IGF1: variants seen among roughly 807,000 people sequenced by gnomAD.
The protein encoded by IGF1 is insulin like growth factor 1.
A neutral mutation model predicts 13.8 loss-of-function variants in IGF1; 4 were observed. That is an observed-to-expected ratio of 0.29 (90% CI 0.14 to 0.66). The LOEUF (loss-of-function observed/expected upper bound fraction) is 0.66. Ranked by LOEUF, IGF1 falls within the 30% of genes least tolerant of loss-of-function variation. The pLI, the probability that IGF1 is intolerant of heterozygous loss-of-function variation, is 0.78. For synonymous variants in IGF1, 76 were observed against 72.6 expected, an observed-to-expected ratio of 1.05 and a Z score of -0.23; for missense variants, 124 against 188.5, an observed-to-expected ratio of 0.66 and a Z score of 2.00.
At chr12:102,411,342 G>T (rs1228796635) in intron 3 of IGF1, among the ~76,000 whole-genome samples, 1 of 152,100 alleles carries the variant, frequency 6.6e-6, no homozygotes, top group African/African-American at 2.4e-5. Flanking sequence ...CCATGGTCTT[G>T]CTCCTAATTA....
intron 2 of IGF1, among the ~76,000 whole-genome samples, chr12:102,433,388 G>A (rs1474090735): frequency 2.0e-5 from 3 of 152,158 alleles, no homozygotes; most frequent in Admixed American, 6.5e-5. Flanking sequence ...CTGCAATGCA[G>A]GGATGCTGAA....
chr12:102,468,613 A>G (rs1290890067), intron 2 of IGF1, among the ~76,000 whole-genome samples: 4 of 152,226 alleles, frequency 2.6e-5, no homozygotes, highest in Non-Finnish European at 5.9e-5. Context: ...AAGACAAACA[A>G]AATGTTGTGT....
intron 2 of IGF1, among the ~76,000 whole-genome samples, chr12:102,474,740 T>G (rs941248821): frequency 6.6e-6 from 1 of 152,220 alleles, no homozygotes; most frequent in African/African-American, 2.4e-5. Context: ...GGAACAAGCA[T>G]CTGGCTTTAA....
At chr12:102,439,252 G>C (rs1261980618) in intron 2 of IGF1, among the ~76,000 whole-genome samples, 1 of 152,180 alleles carries the variant, frequency 6.6e-6, no homozygotes, top group Non-Finnish European at 1.5e-5. Context: ...AAGCATGCTT[G>C]TGAGTATTGG....
chr12:102,442,462 C>A (rs1462863736), intron 2 of IGF1, among the ~76,000 whole-genome samples: 5 of 152,054 alleles, frequency 3.3e-5, no homozygotes, highest in Non-Finnish European at 7.4e-5. Context: ...TCCACAGTGA[C>A]TTTTCACTTT....
chr12:102,411,991 G>A (rs1320605407), intron 3 of IGF1, among the ~76,000 whole-genome samples: 1 of 152,126 alleles, frequency 6.6e-6, no homozygotes, highest in Non-Finnish European at 1.5e-5. Flanking sequence ...GTTGTAATGG[G>A]TCAATAATTA....
At position 102,455,766 on chromosome 12, in the gene IGF1, C is replaced by A. The variant is rs541362916; in HGVS notation, c.220+19877G>T. Among the ~76,000 whole-genome samples the A allele has an allele frequency of 2.6e-5, 4 of 152,256 alleles. No individual in the cohort carries two copies. The South Asian group carries it at 8.3e-4, about 32-fold the overall frequency. Reference sequence around the variant, plus strand: ...GTATGTCCAGTAGAGGACTGAGGCACCCTGCAATCTCTCCTCCCAGGTTGA... The same window carrying A: ...GTATGTCCAGTAGAGGACTGAGGCAACCTGCAATCTCTCCTCCCAGGTTGA... On this transcript the variant is annotated intron_variant, in intron 2 of 3. Coordinates refer to ENST00000337514, the MANE Select transcript of IGF1 (RefSeq NM_000618.5).
At chr12:102,417,532 G>A in intron 3 of IGF1, 1 of 1,106,722 alleles carries the variant, frequency 9.0e-7, no homozygotes, top group Middle Eastern at 3.7e-4. Context: ...TTTAGAGGCA[G>A]AGAATAGTGT....
intron 3 of IGF1, among the ~76,000 whole-genome samples, chr12:102,406,097 G>C (rs1043491904): frequency 2.0e-5 from 3 of 152,198 alleles, no homozygotes; most frequent in Admixed American, 2.0e-4. Context: ...ATGCACACAC[G>C]TGCACGGTGG....
At chr12:102,470,501 T>TA (rs1402852267) in intron 2 of IGF1, among the ~76,000 whole-genome samples, 3 of 152,210 alleles carry the variant, frequency 2.0e-5, no homozygotes, top group Non-Finnish European at 4.4e-5. Context: ...GGGGTCAATA[T>TA]AAAAACACAT....
intron 2 of IGF1, among the ~76,000 whole-genome samples, chr12:102,425,889 C>A (rs940802398): frequency 2.6e-5 from 4 of 152,082 alleles, no homozygotes; most frequent in African/African-American, 4.8e-5. Context: ...ATAGATGTAG[C>A]CAACAAAATT....
At chr12:102,447,608 G>T (rs1395002106) in intron 2 of IGF1, among the ~76,000 whole-genome samples, 1 of 152,086 alleles carries the variant, frequency 6.6e-6, no homozygotes, top group Non-Finnish European at 1.5e-5. Flanking sequence ...TCGAGCCTAT[G>T]TGCGTCTTTG....
chr12:102,441,933 T>TCTCCTTCTCCTTCTCCTTCTCCTTCTC (rs1182729472), intron 2 of IGF1, among the ~76,000 whole-genome samples: 1 of 133,900 alleles, frequency 7.5e-6, no homozygotes, highest in Admixed American at 8.5e-5. Flanking sequence ...TTCTTCTTCT[T>TCTCCTTCTCCTTCTCCTTCTCCTTCTC]CTTCTTCTTC....
At chr12:102,421,117 A>T (rs772021102) in intron 2 of IGF1, among the ~76,000 whole-genome samples, 7 of 152,104 alleles carry the variant, frequency 4.6e-5, no homozygotes, top group Non-Finnish European at 1.0e-4. Flanking sequence ...TGCTTTCCTG[A>T]TGCTTGGCAC....
At position 102,396,919 on chromosome 12, in the gene IGF1, T is replaced by C. The variant is rs1873237258; in HGVS notation, c.*5588A>G. The C allele has an allele frequency of 2.5e-6, 1 of 398,306 alleles. No homozygotes were observed. Among genetic ancestry groups the C allele is most frequent in the Non-Finnish European group, 4.4e-6 (1 of 225,960 alleles). 24.7% of individuals were successfully genotyped at this position (398,306 alleles called of 1,614,324 possible). A position where few individuals can be genotyped will look rare whatever the true frequency, so the allele number is the denominator to read the frequency against. On this transcript the variant is annotated 3_prime_UTR_variant, in exon 4 of 4. Coordinates refer to ENST00000337514, the MANE Select transcript of IGF1 (RefSeq NM_000618.5). ...TAATCATACATTAAGAGGGAACACA[T>C]GGGCAGGGTGTGGTGGCTCATGCCT...
intron 2 of IGF1, among the ~76,000 whole-genome samples, chr12:102,429,408 G>T (rs1457764769): frequency 6.6e-6 from 1 of 152,140 alleles, no homozygotes; most frequent in Non-Finnish European, 1.5e-5. Flanking sequence ...AGGTTTCTTA[G>T]TAATCTTCTG....
At position 102,402,454 on chromosome 12, in the gene IGF1, G is replaced by C. The variant is rs1361413270; in HGVS notation, c.*53C>G. 3 of 780,338 alleles carry C rather than the reference G, an allele frequency of 3.8e-6. No homozygotes were observed. Among genetic ancestry groups the C allele is most frequent in the African/African-American group, 3.4e-5 (2 of 59,098 alleles). 48.3% of individuals were successfully genotyped at this position (780,338 alleles called of 1,614,324 possible). A position where few individuals can be genotyped will look rare whatever the true frequency, so the allele number is the denominator to read the frequency against. ...CAAAGTTTAACAGGTAACTCGTGCAGAGCAAAGGATCCTGCGGTGGCATGT... is the reference window on the plus strand; with the variant it reads ...CAAAGTTTAACAGGTAACTCGTGCACAGCAAAGGATCCTGCGGTGGCATGT... On this transcript the variant is annotated 3_prime_UTR_variant, in exon 4 of 4. Coordinates refer to ENST00000337514, the MANE Select transcript of IGF1 (RefSeq NM_000618.5).
intron 3 of IGF1, among the ~76,000 whole-genome samples, chr12:102,414,073 G>A (rs1874878421): frequency 1.3e-5 from 2 of 152,150 alleles, no homozygotes; most frequent in South Asian, 4.1e-4. Context: ...ATTTTCAGAG[G>A]TAAGTAAAAT....
chr12:102,460,303 A>G (rs1879795084), intron 2 of IGF1, among the ~76,000 whole-genome samples: 1 of 152,216 alleles, frequency 6.6e-6, no homozygotes, highest in Non-Finnish European at 1.5e-5. Flanking sequence ...CCATGTGCAT[A>G]GAGCTGTGCT....
Sources: gnomAD v4.1 joint callset for allele counts (sites outside exome capture counted in the v4.1 genomes callset) on GRCh38, gnomAD v4.1.1 for gene constraint, MANE v1.5 for transcripts, NCBI Gene and HGNC (gene_info 2026-07-23, HGNC 2026-07-21) for gene names.